METTL14: variants seen among roughly 807,000 people sequenced by gnomAD.
METTL14 encodes N(6)-adenosine-methyltransferase non-catalytic subunit METTL14.
METTL14 carries 32 observed loss-of-function variants against 62.4 expected under a neutral mutation model. The ratio of observed to expected loss-of-function variants is 0.51; its 90% CI spans 0.39 to 0.69. The LOEUF (loss-of-function observed/expected upper bound fraction) is 0.69, where lower values mean the gene tolerates loss of function less well. Among genes scored for constraint, METTL14 ranks in the 30% least tolerant of loss-of-function variants. METTL14 has a pLI of 0.00. For missense variants in METTL14, 340 were observed against 551.9 expected, an observed-to-expected ratio of 0.62 and a Z score of 3.85; for synonymous variants, 150 against 180.0, an observed-to-expected ratio of 0.83 and a Z score of 1.34.
chr4:118,706,672 G>A (rs1453954707), intron 10 of METTL14, among the ~76,000 whole-genome samples: 1 of 152,212 alleles, frequency 6.6e-6, no homozygotes, highest in East Asian at 1.9e-4. Context: ...GTCTTCTGAA[G>A]TGCCTGTACC....
At chr4:118,696,447 A>G (rs945249633) in intron 6 of METTL14, among the ~76,000 whole-genome samples, 1 of 152,148 alleles carries the variant, frequency 6.6e-6, no homozygotes, top group East Asian at 1.9e-4. Context: ...TGGGAAGATC[A>G]CTTGAGCCCA....
intron 7 of METTL14, among the ~76,000 whole-genome samples, chr4:118,698,126 G>C (rs1579071244): frequency 1.3e-5 from 2 of 152,108 alleles, no homozygotes; most frequent in South Asian, 4.2e-4. Flanking sequence ...AGGTCAGATT[G>C]GTGTTTGGAA....
At position 118,710,168 on chromosome 4, in the gene METTL14, C is replaced by A. The variant is rs1283853479; in HGVS notation, c.1237C>A (p.Pro413Thr). The change falls in exon 11 of 11, where the codon CCC (proline) becomes ACC (threonine). Residue 413 changes from proline (P) to threonine (T), a missense_variant. Around this residue, in one of 7 missense-constraint regions of METTL14, gnomAD observed 8 missense variants for 34.9 expected, o/e 0.23. Transcript: ENST00000388822. ...KSKSDRGGGA[P>T]RGGGRGGTSA... is the part of the protein sequence containing the mutation. ...TAAATCTGACCGAGGAGGTGGAGCT[C>A]CCAGAGGTGGAGGAAGAGGTGGAAC... 6.2e-7 allele frequency: 1 copy of A among 1,614,002 alleles called. No individual in the cohort carries two copies. Among genetic ancestry groups the A allele is most frequent in the Non-Finnish European group, 8.5e-7 (1 of 1,180,034 alleles).
At position 118,694,523 on chromosome 4, in the gene METTL14, C is replaced by A. The variant is rs777822534; in HGVS notation, c.500C>A (p.Pro167His). The A allele has an allele frequency of 6.2e-7, 1 of 1,606,226 alleles. No individual in the cohort carries two copies. The highest frequency in any genetic ancestry group is 8.5e-7 in the Non-Finnish European group (1 of 1,173,626). Residue 167 changes from proline (P) to histidine (H), a missense_variant, in exon 6 of 11, where the codon CCC (proline) becomes CAC (histidine). Physicochemically the swap from Pro to His is moderately conservative, Grantham distance 77 (BLOSUM62 -2). This residue lies in a region of METTL14 where 41 missense variants were observed against 44.0 expected (regional missense o/e 0.93). Coordinates refer to ENST00000388822, the MANE Select transcript of METTL14 (RefSeq NM_020961.4). ...TTAATAGCTAAATCTAACACTCCTC[C>A]CATGTAAGTGTTTTTATTCAATTAC... ...DELIAKSNTP[P>H]MYLQADIEAF... is the part of the protein sequence containing the mutation.
intron 9 of METTL14, 72 bp from the exon 10 acceptor site, chr4:118,705,539 C>T: frequency 8.7e-7 from 1 of 1,147,852 alleles, no homozygotes; most frequent in Non-Finnish European, 1.3e-6. Context: ...GAATTGAGGA[C>T]ATCAGAAATG....
chr4:118,702,970 T>TATG (rs1003960458), intron 8 of METTL14, among the ~76,000 whole-genome samples: 1 of 146,382 alleles, frequency 6.8e-6, no homozygotes, highest in Non-Finnish European at 1.5e-5. Context: ...TTATTATTAT[T>TATG]ATTATTATAC....
At position 118,686,290 on chromosome 4, in the gene METTL14, A is replaced by G. The variant is rs183764723; in HGVS notation, c.66+690A>G. On this transcript the variant is annotated intron_variant, in intron 1 of 10. Coordinates refer to ENST00000388822, the MANE Select transcript of METTL14 (RefSeq NM_020961.4). ...CTCCCCAAAGCTTGTCTTCTAAACC[A>G]TTGTCCTTCACTTCTTTCTTGTGTA... 7.5e-3 allele frequency among the ~76,000 whole-genome samples: 1,143 copies of G among 152,296 alleles called. 8 individuals carry two copies. The highest frequency in any genetic ancestry group is 0.012 in the Non-Finnish European group (843 of 68,002).
chr4:118,712,813 A>ATT lies in METTL14; in HGVS notation c.*2514_*2515dup, dbSNP rs1177271272. 1 of 152,060 alleles carries ATT rather than the reference A, an allele frequency of 6.6e-6. No homozygotes were observed. The highest frequency in any genetic ancestry group is 1.5e-5 in the Non-Finnish European group (1 of 68,016). 9.4% of individuals were successfully genotyped at this position (152,060 alleles called of 1,614,324 possible). A position where few individuals can be genotyped will look rare whatever the true frequency, so the allele number is the denominator to read the frequency against. On this transcript the variant is annotated 3_prime_UTR_variant, in exon 11 of 11. Coordinates refer to ENST00000388822, the MANE Select transcript of METTL14 (RefSeq NM_020961.4). ...TTGTTATTTATTTCCAGTGAGAACC[A>ATT]TTTTCCCACTGACCTTCCTCCTTTC...
intron 1 of METTL14, chr4:118,686,572 C>T (rs1724067339): frequency 2.2e-6 from 1 of 455,988 alleles, no homozygotes; most frequent in Non-Finnish European, 4.4e-6. Context: ...TGGCTAAAAC[C>T]GTGGAAACTT....
At chr4:118,690,570 C>T (rs1370199515) in intron 3 of METTL14, among the ~76,000 whole-genome samples, 2 of 151,430 alleles carry the variant, frequency 1.3e-5, no homozygotes, top group Non-Finnish European at 2.9e-5. Context: ...ATCCCAGCTA[C>T]TTAGGTGGCT....
chr4:118,702,182 C>T (rs1423321270), intron 8 of METTL14, among the ~76,000 whole-genome samples: 2 of 143,644 alleles, frequency 1.4e-5, no homozygotes, highest in African/African-American at 5.2e-5. Flanking sequence ...TGCAGTGGTG[C>T]GATCTTGGCT....
At chr4:118,700,295 A>G (rs1045760189) in intron 7 of METTL14, among the ~76,000 whole-genome samples, 2 of 152,166 alleles carry the variant, frequency 1.3e-5, no homozygotes, top group Admixed American at 6.5e-5. Context: ...ATTGTTTCCT[A>G]TAAGCTCTTT....
At chr4:118,703,492 T>C (rs1724665505) in intron 8 of METTL14, among the ~76,000 whole-genome samples, 1 of 152,206 alleles carries the variant, frequency 6.6e-6, no homozygotes, top group Non-Finnish European at 1.5e-5. Context: ...TTTATAAGAC[T>C]CTCATTTGAA....
chr4:118,691,948 A>G (rs1724261504), intron 4 of METTL14, 33 bp from the exon 5 acceptor site: 1 of 1,357,720 alleles, frequency 7.4e-7, no homozygotes, highest in Non-Finnish European at 1.1e-6. Context: ...ATTACAATGC[A>G]TGTTACAAAT....
In METTL14 at chr4:118,710,592, T is replaced by C; in HGVS notation, c.*290T>C. ...TTTATTCTGATAGACTTCAGCTAATTACAAAGGATTTTGCTAATTTTTGGG... is the reference window on the plus strand; with the variant it reads ...TTTATTCTGATAGACTTCAGCTAATCACAAAGGATTTTGCTAATTTTTGGG... On this transcript the variant is annotated 3_prime_UTR_variant, in exon 11 of 11. Transcript: ENST00000388822. 3.8e-6 allele frequency: 1 copy of C among 262,826 alleles called. No individual in the cohort carries two copies. Among genetic ancestry groups the C allele is most frequent in the Non-Finnish European group, 7.1e-6 (1 of 140,074 alleles). The allele number at this position is 262,826 out of a possible 1,614,324, so 16.3% of individuals were successfully genotyped here. A position where few individuals can be genotyped will look rare whatever the true frequency, so the allele number is the denominator to read the frequency against.
intron 1 of METTL14, among the ~76,000 whole-genome samples, chr4:118,686,210 G>A (rs976135056): frequency 3.9e-5 from 6 of 152,166 alleles, no homozygotes; most frequent in Admixed American, 2.6e-4. Flanking sequence ...CATACGTTAA[G>A]GAATTTTACT....
At chr4:118,703,627 A>C (rs1724670619) in intron 8 of METTL14, among the ~76,000 whole-genome samples, 1 of 152,226 alleles carries the variant, frequency 6.6e-6, no homozygotes, top group Non-Finnish European at 1.5e-5. Flanking sequence ...CTTACAATTT[A>C]AAACCCCATG....
chr4:118,691,909 GA>G, intron 4 of METTL14, 71 bp from the exon 5 acceptor site: 1 of 962,338 alleles, frequency 1.0e-6, no homozygotes, highest in South Asian at 1.5e-5. Context: ...CCTTGTAATA[GA>G]AAACAGTACA....
Position 118,691,977 on chromosome 4 carries a change from T to A in METTL14, c.325-4T>A. On this transcript the variant is annotated splice_polypyrimidine_tract_variant and splice_region_variant and intron_variant, in intron 4 of 10. Coordinates refer to ENST00000388822, the MANE Select transcript of METTL14 (RefSeq NM_020961.4). ...TACAAATTTAATTTTGTTTTTTAAT[T>A]TAGGGAACACAGAGCTTAAATCCCC... 6.3e-7 allele frequency: 1 copy of A among 1,597,138 alleles called. No homozygotes were observed. The highest frequency in any genetic ancestry group is 2.2e-5 in the East Asian group (1 of 44,466).
Sources: allele counts gnomAD v4.1 joint callset (sites outside exome capture counted in the v4.1 genomes callset), GRCh38; gene constraint gnomAD v4.1.1; regional missense constraint gnomAD v4.1.1; transcripts MANE v1.5; gene names NCBI Gene and HGNC (gene_info 2026-07-23, HGNC 2026-07-21).